Variants in LRP1B observed in about 807,000 individuals in gnomAD.
LRP1B encodes the protein LDL receptor related protein 1B.
A neutral mutation model predicts 556.6 loss-of-function variants in LRP1B; 217 were observed. The observed-to-expected ratio is 0.39, with a 90% CI of 0.35 to 0.44. LRP1B has a LOEUF of 0.44. Ranked by LOEUF, LRP1B falls within the 20% of genes least tolerant of loss-of-function variation. LRP1B has a pLI of 1.00. For synonymous variants in LRP1B, 2,047 were observed against 1,865.8 expected, an observed-to-expected ratio of 1.10 and a Z score of -2.50; for missense variants, 5,053 against 5,620.8, an observed-to-expected ratio of 0.90 and a Z score of 3.23.
At chr2:141,395,510 A>G (rs999398525) in intron 3 of LRP1B, among the ~76,000 whole-genome samples, 3 of 152,146 alleles carry the variant, frequency 2.0e-5, no homozygotes, top group Non-Finnish European at 4.4e-5. Context: ...TATGATGTTC[A>G]CACAATGATG....
chr2:140,578,232 G>T (rs1681611956), intron 43 of LRP1B, among the ~76,000 whole-genome samples: 1 of 150,124 alleles, frequency 6.7e-6, no homozygotes. Context: ...TTCCAAGGCA[G>T]CCTGGTCTAT....
intron 3 of LRP1B, among the ~76,000 whole-genome samples, chr2:141,333,318 T>A (rs1049526913): frequency 3.3e-5 from 5 of 152,124 alleles, no homozygotes; most frequent in Non-Finnish European, 5.9e-5. Flanking sequence ...AATGGTAGAA[T>A]CATTTACCTC....
chr2:140,518,637 G>A (rs893653737), intron 49 of LRP1B, among the ~76,000 whole-genome samples: 3 of 152,154 alleles, frequency 2.0e-5, no homozygotes, highest in Non-Finnish European at 4.4e-5. Flanking sequence ...TCTCCCTGAA[G>A]AGGTCCTTCA....
intron 2 of LRP1B, among the ~76,000 whole-genome samples, chr2:141,674,254 G>GC (rs1298615075): frequency 1.3e-5 from 2 of 151,836 alleles, no homozygotes; most frequent in South Asian, 4.1e-4. Flanking sequence ...AATTTGAATT[G>GC]GTCTCTGATG....
chr2:141,094,410 A>G (rs1372029541), intron 7 of LRP1B, among the ~76,000 whole-genome samples: 1 of 152,144 alleles, frequency 6.6e-6, no homozygotes, highest in African/African-American at 2.4e-5. Flanking sequence ...AAACCATCTA[A>G]TTTTAGTGTT....
chr2:141,216,243 G>A (rs908878552), intron 6 of LRP1B, among the ~76,000 whole-genome samples: 12 of 152,174 alleles, frequency 7.9e-5, no homozygotes, highest in Admixed American at 2.6e-4. Flanking sequence ...GATACACCTC[G>A]AACTGCCACT....
At chr2:141,510,280 C>T (rs1483152) in intron 2 of LRP1B, among the ~76,000 whole-genome samples, 147,371 of 151,264 alleles carry the variant, frequency 0.97, 71,898 homozygotes, top group East Asian at 1. Context: ...TACACATATA[C>T]GTATGTGCAG....
intron 7 of LRP1B, among the ~76,000 whole-genome samples, chr2:141,111,477 G>T (rs1700748229): frequency 6.6e-6 from 1 of 152,190 alleles, no homozygotes; most frequent in Non-Finnish European, 1.5e-5. Flanking sequence ...TAGGTGGACA[G>T]TAAGGAAAGA....
At chr2:141,737,673 G>T (rs892398155) in intron 2 of LRP1B, among the ~76,000 whole-genome samples, 4 of 152,142 alleles carry the variant, frequency 2.6e-5, no homozygotes, top group Non-Finnish European at 4.4e-5. Flanking sequence ...GGCAACCTGA[G>T]ATTTTGCCTC....
intron 1 of LRP1B, among the ~76,000 whole-genome samples, chr2:142,049,322 C>A (rs1391486894): frequency 6.6e-6 from 1 of 152,042 alleles, no homozygotes; most frequent in Admixed American, 6.6e-5. Context: ...CTGAATTTTT[C>A]TTTTCTTTCC....
intron 2 of LRP1B, among the ~76,000 whole-genome samples, chr2:141,543,209 C>T (rs369688713): frequency 1.5e-4 from 23 of 151,956 alleles, no homozygotes; most frequent in Non-Finnish European, 2.2e-4. Flanking sequence ...CCCTCTTGAA[C>T]ATTTAAATAT....
intron 3 of LRP1B, among the ~76,000 whole-genome samples, chr2:141,449,543 C>T (rs769256835): frequency 3.9e-5 from 6 of 151,990 alleles, no homozygotes; most frequent in Non-Finnish European, 8.8e-5. Flanking sequence ...CTCTACTTTG[C>T]CGTCCCTACA....
intron 3 of LRP1B, among the ~76,000 whole-genome samples, chr2:141,471,268 A>ATGTTTTTTTTTTTTTT (rs1553518973): frequency 1.6e-4 from 5 of 31,900 alleles, no homozygotes; most frequent in Non-Finnish European, 1.6e-4. Context: ...ATACCCTGGT[A>ATGTTTTTTTTTTTTTT]TTTTTTTTTT....
chr2:141,153,249 A>T (rs1574131029), intron 7 of LRP1B, among the ~76,000 whole-genome samples: 1 of 130,860 alleles, frequency 7.6e-6, no homozygotes. Context: ...TTGTATATAT[A>T]ATTTATATAT....
At chr2:140,251,186 G>A (rs1033482043) in intron 86 of LRP1B, among the ~76,000 whole-genome samples, 2 of 151,686 alleles carry the variant, frequency 1.3e-5, no homozygotes, top group Admixed American at 6.6e-5. Flanking sequence ...CACAGTAAGC[G>A]CTTTTAGAAT....
intron 2 of LRP1B, among the ~76,000 whole-genome samples, chr2:141,537,598 A>G (rs1278887435): frequency 6.6e-6 from 1 of 152,226 alleles, no homozygotes; most frequent in African/African-American, 2.4e-5. Flanking sequence ...TTGAATTTCT[A>G]TTTCCTCAAT....
intron 2 of LRP1B, among the ~76,000 whole-genome samples, chr2:141,553,726 AT>A (rs1685841154): frequency 5.6e-5 from 1 of 17,886 alleles, no homozygotes; most frequent in Non-Finnish European, 7.0e-3. Flanking sequence ...TTATATATCT[AT>A]ATAATATATT....
intron 3 of LRP1B, among the ~76,000 whole-genome samples, chr2:141,360,178 T>C (rs1688771342): frequency 6.6e-6 from 1 of 152,184 alleles, no homozygotes; most frequent in Non-Finnish European, 1.5e-5. Flanking sequence ...AAGGATTTAG[T>C]GATTATTAGT....
At chr2:141,930,691 T>C (rs1215928448) in intron 1 of LRP1B, among the ~76,000 whole-genome samples, 1 of 152,034 alleles carries the variant, frequency 6.6e-6, no homozygotes, top group Non-Finnish European at 1.5e-5. Context: ...TTGGCTACAC[T>C]TTAGGAAAGG....
Sources: allele counts gnomAD v4.1 joint callset (sites outside exome capture counted in the v4.1 genomes callset), GRCh38; gene constraint gnomAD v4.1.1; transcripts MANE v1.5; gene names NCBI Gene and HGNC (gene_info 2026-07-23, HGNC 2026-07-21).